Variants in PLXNC1 observed in about 807,000 individuals in gnomAD.
PLXNC1 encodes plexin C1, also known as plexin-C1.
Under a neutral mutation model 178.2 loss-of-function variants are expected in PLXNC1, and 75 were observed. The observed-to-expected ratio is 0.42, with a 90% CI of 0.35 to 0.51. The LOEUF (loss-of-function observed/expected upper bound fraction) is 0.51, where lower values mean the gene tolerates loss of function less well. PLXNC1 is among the 20% of genes least tolerant of loss of function. The pLI is 0.02. For missense variants in PLXNC1, 1,503 were observed against 1,984.4 expected (o/e 0.76, Z 4.61); for synonymous variants, 790 against 779.9 (o/e 1.01, Z -0.22).
chr12:94,149,002 C>T lies in PLXNC1; in HGVS notation c.31C>T (p.Arg11Cys). 1 of 1,457,828 alleles carries T rather than the reference C, an allele frequency of 6.9e-7. No homozygotes were observed. Among genetic ancestry groups the T allele is most frequent in the Non-Finnish European group, 9.0e-7 (1 of 1,112,974 alleles). The allele number at this position is 1,457,828 out of a possible 1,614,324, so 90.3% of individuals were successfully genotyped here. ...GGTCTCCCGGAGGAAGGCGCCGCCGCGCCCCCCGCGCCCCGCAGCGCCACT... is the reference window on the plus strand; with the variant it reads ...GGTCTCCCGGAGGAAGGCGCCGCCGTGCCCCCCGCGCCCCGCAGCGCCACT... The part of the protein sequence containing the change: MEVSRRKAPP[R>C]PPRPAAPLPL... Residue 11 changes from arginine (R) to cysteine (C), a missense_variant, in exon 1 of 31, where the codon CGC becomes TGC. By Grantham distance (180) the Arg-to-Cys change is radical. Coordinates refer to ENST00000258526, the MANE Select transcript of PLXNC1 (RefSeq NM_005761.3).
intron 21 of PLXNC1, 91 bp downstream of exon 21, chr12:94,265,316 T>A: frequency 1.7e-6 from 2 of 1,169,698 alleles, no homozygotes; most frequent in Non-Finnish European, 2.5e-6. Context: ...TGAAACGGTA[T>A]CATCTCTACT....
intron 21 of PLXNC1, among the ~76,000 whole-genome samples, chr12:94,268,894 C>T (rs1965411626): frequency 1.3e-5 from 2 of 152,066 alleles, no homozygotes; most frequent in East Asian, 1.9e-4. Flanking sequence ...TGCATCCGGC[C>T]GATAATAAGA....
In PLXNC1 at chr12:94,262,558, G is replaced by A. The variant is rs1396392297; in HGVS notation, c.3450+1718G>A. 5 of 985,336 alleles carry A rather than the reference G, an allele frequency of 5.1e-6. No individual in the cohort carries two copies. In the African/African-American group the frequency reaches 8.7e-5, roughly 17 times the overall value. The allele number at this position is 985,336 out of a possible 1,614,324, so 61.0% of individuals were successfully genotyped here. On this transcript the variant is annotated intron_variant, in intron 20 of 30. Coordinates refer to ENST00000258526, the MANE Select transcript of PLXNC1 (RefSeq NM_005761.3). ...CAAGAGCGTCTCGAGCACTCTGAGT[G>A]GTGAGGGGGCGGCTCGGCTCGCCAG...
In PLXNC1 at chr12:94,167,443, C is replaced by T. The variant is rs557794726; in HGVS notation, c.1063-1710C>T. On this transcript the variant is annotated intron_variant, in intron 1 of 30. Transcript: ENST00000258526. ...CAGGCAGAGACGATGCCCTATTCTC[C>T]GCGTTAGCCTCTCTGCAGTGTTCAA... Among the ~76,000 whole-genome samples the T allele has an allele frequency of 5.5e-4, 84 of 152,306 alleles. 1 individual carries two copies. Among genetic ancestry groups the T allele is most frequent in the African/African-American group, 1.7e-3 (69 of 41,560 alleles).
At chr12:94,303,731 GCT>G (rs1968714019) in intron 28 of PLXNC1, 23 bp from the exon 29 acceptor site, 70 of 1,113,608 alleles carry the variant, frequency 6.3e-5, no homozygotes, top group African/African-American at 1.6e-4. Flanking sequence ...GGTGATGGTT[GCT>G]TTTTTTTTTT....
chr12:94,156,408 T>C (rs1277597982), intron 1 of PLXNC1, among the ~76,000 whole-genome samples: 2 of 151,958 alleles, frequency 1.3e-5, no homozygotes, highest in Non-Finnish European at 2.9e-5. Context: ...TAACCTCCTC[T>C]GCTTCCTCAA....
intron 1 of PLXNC1, among the ~76,000 whole-genome samples, chr12:94,162,605 G>A (rs1000826324): frequency 2.0e-5 from 3 of 152,176 alleles, no homozygotes. Context: ...GCACTAGATC[G>A]GGAGGGGAAT....
chr12:94,149,132 A>T lies in PLXNC1; in HGVS notation c.161A>T (p.Glu54Val). ...QAIGAIAASQ[E>V]DGVFVASGSC... ...ATCGGAGCCATCGCGGCGAGCCAGG[A>T]GGACGGCGTGTTTGTGGCGAGCGGC... The change falls in exon 1 of 31, where the codon GAG becomes GTG. Residue 54 changes from glutamate to valine, a missense_variant. Coordinates refer to ENST00000258526, the MANE Select transcript of PLXNC1 (RefSeq NM_005761.3). 1 of 1,589,762 alleles carries T rather than the reference A, an allele frequency of 6.3e-7. No individual in the cohort carries two copies.
At chr12:94,165,114 T>C (rs989816622) in intron 1 of PLXNC1, among the ~76,000 whole-genome samples, 2 of 152,062 alleles carry the variant, frequency 1.3e-5, no homozygotes, top group African/African-American at 4.8e-5. Context: ...AGAGCAACAT[T>C]AGCGATTATG....
chr12:94,299,273 T>TAATA (rs1312107013), intron 27 of PLXNC1, among the ~76,000 whole-genome samples: 2 of 152,234 alleles, frequency 1.3e-5, no homozygotes, highest in South Asian at 2.1e-4. Context: ...TTTTATATTT[T>TAATA]AATATTTTAC....
intron 21 of PLXNC1, among the ~76,000 whole-genome samples, chr12:94,270,091 T>C (rs1189403986): frequency 1.3e-5 from 2 of 152,256 alleles, no homozygotes; most frequent in Non-Finnish European, 2.9e-5. Flanking sequence ...TCATTATTTA[T>C]ATTTGTACCC....
At chr12:94,189,144 T>C (rs1962629262) in intron 4 of PLXNC1, among the ~76,000 whole-genome samples, 1 of 152,226 alleles carries the variant, frequency 6.6e-6, no homozygotes, top group Non-Finnish European at 1.5e-5. Flanking sequence ...TTTGGTGGTA[T>C]AGCTGTAGAC....
chr12:94,198,128 A>C (rs1405171536), intron 4 of PLXNC1, among the ~76,000 whole-genome samples: 1 of 152,160 alleles, frequency 6.6e-6, no homozygotes. Flanking sequence ...AATCAACCCA[A>C]ATGCCCATCC....
At chr12:94,179,198 C>A (rs1470217422) in intron 2 of PLXNC1, among the ~76,000 whole-genome samples, 1 of 152,240 alleles carries the variant, frequency 6.6e-6, no homozygotes, top group Admixed American at 6.5e-5. Flanking sequence ...TATGTGGGAA[C>A]AGGCATATTA....
intron 26 of PLXNC1, among the ~76,000 whole-genome samples, chr12:94,298,321 T>A (rs1266762612): frequency 2.0e-5 from 3 of 152,234 alleles, no homozygotes; most frequent in African/African-American, 7.2e-5. Context: ...CATGGCTTCC[T>A]GGTTTATGTA....
At chr12:94,159,804 G>A (rs1781186457) in intron 1 of PLXNC1, among the ~76,000 whole-genome samples, 3 of 152,224 alleles carry the variant, frequency 2.0e-5, no homozygotes, top group Non-Finnish European at 4.4e-5. Flanking sequence ...GGAGGCTCTT[G>A]CAGTAGTCCA....
intron 3 of PLXNC1, among the ~76,000 whole-genome samples, chr12:94,182,877 A>G (rs986881946): frequency 6.8e-6 from 1 of 146,058 alleles, no homozygotes; most frequent in Non-Finnish European, 1.5e-5. Flanking sequence ...CTATCTATCT[A>G]TCTATCTATC....
chr12:94,274,162 A>T, intron 21 of PLXNC1, among the ~76,000 whole-genome samples: 1 of 129,800 alleles, frequency 7.7e-6, no homozygotes. Context: ...CTCTAAAAAA[A>T]AAAAAAAAAA....
chr12:94,254,335 G>C, intron 15 of PLXNC1: 1 of 365,074 alleles, frequency 2.7e-6, no homozygotes, highest in South Asian at 2.1e-5. Flanking sequence ...GGCCCATGTA[G>C]CCAACTGTGG....
Sources: gnomAD v4.1 joint callset for allele counts (sites outside exome capture counted in the v4.1 genomes callset) on GRCh38, gnomAD v4.1.1 for gene constraint, MANE v1.5 for transcripts, NCBI Gene and HGNC (gene_info 2026-07-23, HGNC 2026-07-21) for gene names.